TASP1: variants seen among roughly 807,000 people sequenced by gnomAD.
TASP1 encodes the protein taspase 1.
TASP1 carries 16 observed loss-of-function variants against 56.6 expected under a neutral mutation model. That is an observed-to-expected ratio of 0.28 (90% confidence interval 0.19 to 0.43). TASP1 has a LOEUF of 0.43. Among genes scored for constraint, TASP1 ranks in the 20% least tolerant of loss-of-function variants. The probability of loss-of-function intolerance (pLI) is 1.00; values close to 1 mark genes in which losing one functional copy is unlikely to be tolerated. For synonymous variants in TASP1, 179 were observed against 184.2 expected (o/e 0.97, Z 0.23); for missense variants, 393 against 511.6 (o/e 0.77, Z 2.24).
downstream of TASP1, among the ~76,000 whole-genome samples, chr20:13,386,695 A>G (rs1188393746): frequency 6.6e-6 from 1 of 152,186 alleles, no homozygotes; most frequent in African/African-American, 2.4e-5. Context: ...AAATTATGCA[A>G]AAAAGGCTTT....
chr20:13,555,996 T>C (rs1221107114), intron 8 of TASP1, among the ~76,000 whole-genome samples: 1 of 152,148 alleles, frequency 6.6e-6, no homozygotes, highest in African/African-American at 2.4e-5. Context: ...GCTATTGGCA[T>C]CAAGTAATAG....
At chr20:13,374,048 A>G in the TASP1 span, among the ~76,000 whole-genome samples, 1 of 152,062 alleles carries the variant, frequency 6.6e-6, no homozygotes, top group African/African-American at 2.4e-5. Flanking sequence ...AAAGTTGTTT[A>G]GTTCAGTTGT....
intron 10 of TASP1, among the ~76,000 whole-genome samples, chr20:13,484,733 C>CAAAAA (rs34720600): frequency 1.7e-4 from 14 of 81,126 alleles, no homozygotes; most frequent in African/African-American, 3.5e-4. Context: ...CAAGATTTCT[C>CAAAAA]AAAAAAAAAA....
At chr20:13,203,721 G>GA in the TASP1 span, among the ~76,000 whole-genome samples, 3 of 152,152 alleles carry the variant, frequency 2.0e-5, no homozygotes, top group Admixed American at 1.3e-4. Flanking sequence ...ACAACTTGCA[G>GA]AGAATTAAGT....
At chr20:13,118,582 G>A in the TASP1 span, among the ~76,000 whole-genome samples, 1 of 152,110 alleles carries the variant, frequency 6.6e-6, no homozygotes, top group Admixed American at 6.6e-5. Flanking sequence ...ACAATGAGAG[G>A]ATAGCCTTGT....
chr20:13,467,673 G>C (rs1184046333), intron 11 of TASP1, among the ~76,000 whole-genome samples: 1 of 152,052 alleles, frequency 6.6e-6, no homozygotes, highest in Non-Finnish European at 1.5e-5. Flanking sequence ...AAGAAGGGAA[G>C]GAAGACAAAC....
At chr20:13,165,139 A>G in the TASP1 span, 1 of 355,156 alleles carries the variant, frequency 2.8e-6, no homozygotes, top group Non-Finnish European at 5.1e-6. Flanking sequence ...AATATTTTTA[A>G]TGGCAATAAG....
At chr20:13,199,557 T>C in the TASP1 span, among the ~76,000 whole-genome samples, 1 of 152,206 alleles carries the variant, frequency 6.6e-6, no homozygotes, top group African/African-American at 2.4e-5. Flanking sequence ...TGCAAGCCTC[T>C]TGAAGGAAAG....
chr20:13,565,540 T>C lies in TASP1; in HGVS notation c.568+3967A>G, dbSNP rs538011724. On this transcript the variant is annotated intron_variant, in intron 7 of 13. Coordinates refer to ENST00000337743, the MANE Select transcript of TASP1 (RefSeq NM_017714.3). Reference sequence around the variant, plus strand: ...GAAAAATAGGCAAAGGACTAGGATATATATTTCTCTAAGAAAGATATAAAA... The same window carrying C: ...GAAAAATAGGCAAAGGACTAGGATACATATTTCTCTAAGAAAGATATAAAA... Among the ~76,000 whole-genome samples the C allele has an allele frequency of 3.3e-5, 5 of 152,228 alleles. No homozygotes were observed. The East Asian group carries it at 7.7e-4, about 23-fold the overall frequency.
At chr20:13,396,693 A>G (rs1425021359) in intron 13 of TASP1, among the ~76,000 whole-genome samples, 1 of 152,246 alleles carries the variant, frequency 6.6e-6, no homozygotes, top group Non-Finnish European at 1.5e-5. Context: ...TCCCGAGTTC[A>G]GCCAACCAAT....
chr20:13,181,929 C>CA, the TASP1 span, among the ~76,000 whole-genome samples: 1 of 152,172 alleles, frequency 6.6e-6, no homozygotes, highest in African/African-American at 2.4e-5. Flanking sequence ...ATTGCAAACA[C>CA]AAAAACCTAA....
chr20:13,199,114 G>C, the TASP1 span, among the ~76,000 whole-genome samples: 2 of 151,624 alleles, frequency 1.3e-5, no homozygotes, highest in Non-Finnish European at 2.9e-5. Context: ...CATTGCCCAG[G>C]CTGGTCTAGA....
At chr20:13,611,590 G>A (rs986610979) in intron 4 of TASP1, among the ~76,000 whole-genome samples, 7 of 152,144 alleles carry the variant, frequency 4.6e-5, no homozygotes, top group African/African-American at 1.7e-4. Context: ...ACAATTCGCA[G>A]CCTCTAGACC....
At position 13,549,301 on chromosome 20, in the gene TASP1, C is replaced by T. The variant is rs544852938; in HGVS notation, c.675+9707G>A. Among the ~76,000 whole-genome samples, 11 of 152,216 alleles carry T rather than the reference C, an allele frequency of 7.2e-5. No individual in the cohort carries two copies. The East Asian group carries it at 1.9e-3, about 27-fold the overall frequency. On this transcript the variant is annotated intron_variant, in intron 8 of 13. Coordinates refer to ENST00000337743, the MANE Select transcript of TASP1 (RefSeq NM_017714.3). ...GACTATGTATTTAAAATATTCTAAGCTGATTAGAGAAGACACAGCTGAACC... is the reference window on the plus strand; with the variant it reads ...GACTATGTATTTAAAATATTCTAAGTTGATTAGAGAAGACACAGCTGAACC...
intron 4 of TASP1, chr20:13,600,714 A>T (rs994030801): frequency 6.6e-6 from 1 of 152,118 alleles, no homozygotes; most frequent in Non-Finnish European, 1.5e-5. Context: ...AAATAATTGA[A>T]TTTTATCACT....
intron 13 of TASP1, among the ~76,000 whole-genome samples, chr20:13,414,351 C>A (rs1568768084): frequency 6.6e-6 from 1 of 152,100 alleles, no homozygotes; most frequent in African/African-American, 2.4e-5. Context: ...GTCCATCTGC[C>A]CCTCATTGGT....
At chr20:13,541,379 T>C (rs112593719) in intron 8 of TASP1, among the ~76,000 whole-genome samples, 15 of 152,248 alleles carry the variant, frequency 9.9e-5, no homozygotes, top group Admixed American at 2.6e-4. Context: ...ATTAAAGACA[T>C]TTATCAATAT....
intron 11 of TASP1, among the ~76,000 whole-genome samples, chr20:13,443,009 G>A (rs2043277956): frequency 6.6e-6 from 1 of 152,130 alleles, no homozygotes; most frequent in Admixed American, 6.6e-5. Flanking sequence ...CATCTTTGAA[G>A]GCTGTTGTGA....
At chr20:13,221,821 G>A in the TASP1 span, 2 of 1,458,226 alleles carry the variant, frequency 1.4e-6, no homozygotes, top group East Asian at 3.0e-5. Flanking sequence ...TGGGGCTGCT[G>A]CTGCTCACGC....
Sources: gnomAD v4.1 joint callset for allele counts (sites outside exome capture counted in the v4.1 genomes callset) on GRCh38, gnomAD v4.1.1 for gene constraint, MANE v1.5 for transcripts, NCBI Gene and HGNC (gene_info 2026-07-23, HGNC 2026-07-21) for gene names.